DLG1: variants seen among roughly 807,000 people sequenced by gnomAD.
The protein encoded by DLG1 is discs large MAGUK scaffold protein 1, also known as disks large homolog 1.
In DLG1, 42 loss-of-function variants were observed where a neutral mutation model predicts 123.4. The observed-to-expected ratio is 0.34, with a 90% confidence interval of 0.27 to 0.44. DLG1 has a LOEUF of 0.44. Ranked by LOEUF, DLG1 falls within the 20% of genes least tolerant of loss-of-function variation. DLG1 has a pLI of 1.00. For missense variants in DLG1, 942 were observed against 1,082.6 expected, an observed-to-expected ratio of 0.87 and a Z score of 1.82; for synonymous variants, 317 against 356.2, an observed-to-expected ratio of 0.89 and a Z score of 1.24.
rs760516733 is a variant in DLG1, at chr3:197,069,280, A to G, written c.2006-20T>C. 3.3e-6 allele frequency: 5 copies of G among 1,533,442 alleles called. No individual in the cohort carries two copies. In the Admixed American group the frequency reaches 9.2e-5, roughly 28 times the overall value. 95.0% of individuals were successfully genotyped at this position (1,533,442 alleles called of 1,614,324 possible). On this transcript the variant is annotated intron_variant, in intron 18 of 24. Transcript: ENST00000667157. ...CATGCTCTGAAATTGCAGGACAATGAAAAAAAATAAAACAGTGTCATGAGT... is the reference window on the plus strand; with the variant it reads ...CATGCTCTGAAATTGCAGGACAATGGAAAAAAATAAAACAGTGTCATGAGT...
At chr3:197,139,342 CTA>C (rs1397081276) in intron 8 of DLG1, among the ~76,000 whole-genome samples, 1 of 152,078 alleles carries the variant, frequency 6.6e-6, no homozygotes, top group African/African-American at 2.4e-5. Flanking sequence ...ATTTTTATAT[CTA>C]TTTGATTTCA....
chr3:197,073,127 A>G (rs1270119401), intron 18 of DLG1, among the ~76,000 whole-genome samples: 1 of 152,222 alleles, frequency 6.6e-6, no homozygotes, highest in Non-Finnish European at 1.5e-5. Context: ...TACATCATCA[A>G]TCTGAAGCAA....
At chr3:197,245,194 G>A (rs190147577) in intron 4 of DLG1, among the ~76,000 whole-genome samples, 173 of 152,104 alleles carry the variant, frequency 1.1e-3, no homozygotes, top group Non-Finnish European at 2.2e-3. Context: ...CTAATATCTG[G>A]GCTAGCTTTA....
intron 4 of DLG1, among the ~76,000 whole-genome samples, chr3:197,259,386 A>C (rs923190914): frequency 1.3e-4 from 20 of 152,184 alleles, no homozygotes; most frequent in African/African-American, 3.9e-4. Context: ...AATTTCCATC[A>C]ATTTTCCTGC....
chr3:197,243,971 G>A lies in DLG1; in HGVS notation c.318+38708C>T, dbSNP rs138865265. On this transcript the variant is annotated intron_variant, in intron 4 of 24. Transcript: ENST00000667157. The stretch of plus-strand genomic sequence containing the variant: ...GCCAGAGTGAAAGGGATATCCAATT[G>A]GATCAGAGTGCAAGTGCCGCTCCAG... Among the ~76,000 whole-genome samples the A allele has an allele frequency of 2.0e-5, 3 of 152,252 alleles. No homozygotes were observed. In the East Asian group the frequency reaches 5.8e-4, roughly 29 times the overall value.
At chr3:197,297,317 C>T in intron 1 of DLG1, 82 bp from the exon 2 acceptor site, 1 of 1,552,060 alleles carries the variant, frequency 6.4e-7, no homozygotes, top group Non-Finnish European at 8.7e-7. Context: ...AAAACCCTCG[C>T]AGCCTATTTG....
chr3:197,166,651 A>G (rs564031780), intron 5 of DLG1, among the ~76,000 whole-genome samples: 2 of 152,278 alleles, frequency 1.3e-5, no homozygotes, highest in South Asian at 4.1e-4. Flanking sequence ...ACACTTTGGG[A>G]GGCGGAGGTG....
At chr3:197,061,390 C>A (rs1054212267) in intron 22 of DLG1, among the ~76,000 whole-genome samples, 5 of 152,132 alleles carry the variant, frequency 3.3e-5, no homozygotes, top group African/African-American at 9.7e-5. Flanking sequence ...CTGCATAATG[C>A]TCCTTCACCT....
chr3:197,159,923 T>TA (rs1470727847), intron 5 of DLG1, among the ~76,000 whole-genome samples: 2 of 152,156 alleles, frequency 1.3e-5, no homozygotes, highest in Non-Finnish European at 2.9e-5. Flanking sequence ...AAATATGAGA[T>TA]AACACTAAAA....
intron 16 of DLG1, among the ~76,000 whole-genome samples, chr3:197,082,577 T>A (rs552281785): frequency 6.6e-6 from 1 of 152,210 alleles, no homozygotes; most frequent in South Asian, 2.1e-4. Flanking sequence ...ACTTAAATTG[T>A]CTATATTTGT....
chr3:197,231,366 A>G (rs1413705647), intron 4 of DLG1, among the ~76,000 whole-genome samples: 2 of 152,216 alleles, frequency 1.3e-5, no homozygotes, highest in African/African-American at 2.4e-5. Context: ...TACAAAGTTG[A>G]TTTAGCAAAA....
chr3:197,148,643 A>C (rs1216170593), intron 6 of DLG1, among the ~76,000 whole-genome samples: 5 of 152,122 alleles, frequency 3.3e-5, no homozygotes, highest in Non-Finnish European at 7.4e-5. Flanking sequence ...ATGAAGTTGG[A>C]CCTCTACTTC....
rs868265690 is a variant in DLG1, at chr3:197,166,578, C to T, written c.484-16782G>A. Among the ~76,000 whole-genome samples, 6 of 152,256 alleles carry T rather than the reference C, an allele frequency of 3.9e-5. 1 individual carries two copies. The Middle Eastern group carries it at 0.01, about 259-fold the overall frequency. On this transcript the variant is annotated intron_variant, in intron 5 of 24. Coordinates refer to ENST00000667157, the MANE Select transcript of DLG1 (RefSeq NM_001366207.1). ...GCATCCAAATCTTGATTTCTAAATA[C>T]TCATTCTGCAATTTAAAACAACACA...
intron 11 of DLG1, among the ~76,000 whole-genome samples, chr3:197,124,949 G>A (rs964220618): frequency 6.6e-5 from 10 of 152,104 alleles, no homozygotes; most frequent in African/African-American, 2.4e-4. Flanking sequence ...GCAAGAGAGA[G>A]AAGGGACAGC....
At chr3:197,191,422 G>A (rs1490205246) in intron 5 of DLG1, among the ~76,000 whole-genome samples, 2 of 152,154 alleles carry the variant, frequency 1.3e-5, no homozygotes, top group African/African-American at 2.4e-5. Context: ...CATAAAATAT[G>A]CATGCTGGCT....
chr3:197,193,614 T>C (rs1477764059), intron 5 of DLG1, among the ~76,000 whole-genome samples: 1 of 152,208 alleles, frequency 6.6e-6, no homozygotes, highest in Non-Finnish European at 1.5e-5. Context: ...AGGAATGTAA[T>C]ACTGAGTAAA....
chr3:197,165,181 C>A (rs763056589), intron 5 of DLG1, among the ~76,000 whole-genome samples: 6 of 152,122 alleles, frequency 3.9e-5, no homozygotes, highest in Non-Finnish European at 8.8e-5. Context: ...AAGGAATACA[C>A]AGTGGCGTTA....
intron 1 of DLG1, chr3:197,298,249 G>A (rs990038165): frequency 1.7e-5 from 6 of 353,300 alleles, no homozygotes; most frequent in Non-Finnish European, 3.0e-5. Context: ...GGGTTGGAAG[G>A]GGGAGGCGGG....
chr3:197,230,684 T>C (rs1338144053), intron 4 of DLG1, among the ~76,000 whole-genome samples: 2 of 152,212 alleles, frequency 1.3e-5, no homozygotes, highest in Admixed American at 6.5e-5. Flanking sequence ...CAAAACATCA[T>C]GGTAAATCTA....
Sources: gnomAD v4.1 joint callset for allele counts (sites outside exome capture counted in the v4.1 genomes callset) on GRCh38, gnomAD v4.1.1 for gene constraint, MANE v1.5 for transcripts, NCBI Gene and HGNC (gene_info 2026-07-23, HGNC 2026-07-21) for gene names.